KCNH1: variants seen among roughly 807,000 people sequenced by gnomAD.
KCNH1 encodes the protein potassium voltage-gated channel subfamily H member 1, also known as voltage-gated delayed rectifier potassium channel KCNH1.
KCNH1 carries 27 observed loss-of-function variants against 69.2 expected under a neutral mutation model. The observed-to-expected ratio is 0.39, with a 90% CI of 0.29 to 0.54. The LOEUF (loss-of-function observed/expected upper bound fraction) is 0.54. Ranked by LOEUF, KCNH1 falls within the 20% of genes least tolerant of loss-of-function variation. The pLI is 0.68. For missense variants in KCNH1, 798 were observed against 1,261.6 expected, an observed-to-expected ratio of 0.63 and a Z score of 5.57; for synonymous variants, 456 against 487.7, an observed-to-expected ratio of 0.93 and a Z score of 0.86.
intron 10 of KCNH1, among the ~76,000 whole-genome samples, chr1:210,689,883 A>G (rs988812709): frequency 6.6e-6 from 1 of 152,248 alleles, no homozygotes; most frequent in Non-Finnish European, 1.5e-5. Context: ...TGATTCTGAC[A>G]TGGGCAGCCT....
intron 6 of KCNH1, among the ~76,000 whole-genome samples, chr1:210,932,149 C>T (rs971184837): frequency 1.3e-5 from 2 of 151,988 alleles, no homozygotes; most frequent in African/African-American, 4.8e-5. Context: ...TAGATTCAAC[C>T]TAATAAGGGT....
chr1:210,918,675 A>G (rs1385454592), intron 7 of KCNH1, among the ~76,000 whole-genome samples: 2 of 152,200 alleles, frequency 1.3e-5, no homozygotes, highest in Non-Finnish European at 2.9e-5. Context: ...CCAATAACCT[A>G]TTACTTCTCA....
rs1334636011 is a variant in KCNH1 at position 210,680,017 on chromosome 1, G to T, written c.*3264C>A. The stretch of plus-strand genomic sequence containing the variant: ...GACAATTTGGTTTCTCAACCAAATG[G>T]TCGTCTCTGTTTCCGTCCTTTGGCT... On this transcript the variant is annotated 3_prime_UTR_variant, in exon 11 of 11. Coordinates refer to ENST00000271751, the MANE Select transcript of KCNH1 (RefSeq NM_172362.3). 3 of 151,430 alleles carry T rather than the reference G, an allele frequency of 2.0e-5. No individual in the cohort carries two copies. Among genetic ancestry groups the T allele is most frequent in the African/African-American group, 4.9e-5 (2 of 41,078 alleles). The allele number at this position is 151,430 out of a possible 1,614,324, so 9.4% of individuals were successfully genotyped here.
At chr1:210,691,505 G>C (rs906555398) in intron 10 of KCNH1, among the ~76,000 whole-genome samples, 1 of 152,082 alleles carries the variant, frequency 6.6e-6, no homozygotes, top group Non-Finnish European at 1.5e-5. Context: ...AGCCAAACCC[G>C]GGCAACCTGA....
intron 10 of KCNH1, among the ~76,000 whole-genome samples, chr1:210,755,063 G>A (rs1408394591): frequency 6.6e-6 from 1 of 152,118 alleles, no homozygotes; most frequent in Admixed American, 6.5e-5. Flanking sequence ...CAGTGACAAA[G>A]GGGCAGCTGC....
intron 7 of KCNH1, among the ~76,000 whole-genome samples, chr1:210,839,156 A>C (rs920163484): frequency 3.9e-5 from 6 of 152,232 alleles, no homozygotes; most frequent in African/African-American, 1.4e-4. Flanking sequence ...CATGGAATCA[A>C]CCTGAATGTC....
At chr1:210,892,773 C>A (rs1210276529) in intron 7 of KCNH1, among the ~76,000 whole-genome samples, 1 of 152,274 alleles carries the variant, frequency 6.6e-6, no homozygotes. Flanking sequence ...TGTTCCCAGG[C>A]AAAGCCCTTT....
At chr1:210,887,294 T>G (rs1199961585) in intron 7 of KCNH1, among the ~76,000 whole-genome samples, 1 of 152,094 alleles carries the variant, frequency 6.6e-6, no homozygotes, top group Non-Finnish European at 1.5e-5. Context: ...CTAGCCAAAC[T>G]AAGCTTCATA....
At chr1:211,000,531 G>C (rs1159798135) in intron 6 of KCNH1, among the ~76,000 whole-genome samples, 2 of 152,084 alleles carry the variant, frequency 1.3e-5, no homozygotes, top group African/African-American at 2.4e-5. Context: ...ACAAATGGAA[G>C]AACATTCCAT....
rs375694159 is a variant in KCNH1 at position 210,789,851 on chromosome 1, T to A, written c.1915+7657A>T. Among the ~76,000 whole-genome samples, 3 of 152,260 alleles carry A rather than the reference T, an allele frequency of 2.0e-5. No individual in the cohort carries two copies. In the East Asian group the frequency reaches 5.8e-4, roughly 29 times the overall value. On this transcript the variant is annotated intron_variant, in intron 9 of 10. Coordinates refer to ENST00000271751, the MANE Select transcript of KCNH1 (RefSeq NM_172362.3). ...TTACTTACTTTGCTTATCATAAGAA[T>A]TTCTAGTATCGTTTAAAATTTCTTG...
At chr1:210,899,617 A>C (rs991645410) in intron 7 of KCNH1, among the ~76,000 whole-genome samples, 1 of 152,242 alleles carries the variant, frequency 6.6e-6, no homozygotes, top group African/African-American at 2.4e-5. Context: ...CCACTGATAT[A>C]AAAGAACAAT....
At chr1:210,864,318 G>C (rs953687117) in intron 7 of KCNH1, among the ~76,000 whole-genome samples, 22 of 152,214 alleles carry the variant, frequency 1.4e-4, no homozygotes, top group African/African-American at 5.3e-4. Context: ...GCTTAGGAGA[G>C]ACTAAGGCAT....
chr1:211,044,438 G>T (rs1690055853), intron 5 of KCNH1, among the ~76,000 whole-genome samples: 1 of 152,188 alleles, frequency 6.6e-6, no homozygotes. Context: ...AAGAGCCTTT[G>T]CACAGCAAAA....
chr1:210,807,945 C>T (rs972252443), intron 7 of KCNH1, among the ~76,000 whole-genome samples: 4 of 152,202 alleles, frequency 2.6e-5, no homozygotes, highest in South Asian at 4.1e-4. Flanking sequence ...TCAAAGAGTT[C>T]TCTGGAAAAG....
intron 7 of KCNH1, chr1:210,858,568 A>G (rs554084673): frequency 2.1e-4 from 32 of 152,400 alleles, no homozygotes; most frequent in African/African-American, 7.5e-4. Flanking sequence ...TCATTTACAG[A>G]GTTTTATAAT....
At position 210,775,483 on chromosome 1, in the gene KCNH1, G is replaced by T. The variant is rs745988171; in HGVS notation, c.1977C>A (p.Ala659=). The T allele has an allele frequency of 6.2e-7, 1 of 1,614,018 alleles. No individual in the cohort carries two copies. Among genetic ancestry groups the T allele is most frequent in the South Asian group, 1.1e-5 (1 of 91,080 alleles). The change falls in exon 10 of 11, where the codon GCC becomes GCA. Residue 659 remains alanine, a synonymous_variant. Transcript: ENST00000271751. The part of the protein sequence containing the change: ...WKEATLAQSC[A]NVRALTYCDL... ...CACAGTAGGTCAAGGCCCTAACATT[G>T]GCACAGGACTGGGCAAGGGTGGCTT...
At chr1:210,710,403 A>C (rs1682042064) in intron 10 of KCNH1, among the ~76,000 whole-genome samples, 1 of 152,146 alleles carries the variant, frequency 6.6e-6, no homozygotes, top group African/African-American at 2.4e-5. Flanking sequence ...GGGTGGGTGG[A>C]TTGATAGACG....
intron 3 of KCNH1, among the ~76,000 whole-genome samples, chr1:211,100,796 C>T (rs1317485159): frequency 6.6e-6 from 1 of 152,254 alleles, no homozygotes. Flanking sequence ...CAGCTGCTTT[C>T]TGTCCTTGCT....
chr1:210,912,527 A>G (rs1200480693), intron 7 of KCNH1, among the ~76,000 whole-genome samples: 1 of 152,238 alleles, frequency 6.6e-6, no homozygotes, highest in Non-Finnish European at 1.5e-5. Flanking sequence ...AGTAGAGCAT[A>G]CTCAAAGGAC....
Sources: allele counts gnomAD v4.1 joint callset (sites outside exome capture counted in the v4.1 genomes callset), GRCh38; gene constraint gnomAD v4.1.1; transcripts MANE v1.5; gene names NCBI Gene and HGNC (gene_info 2026-07-23, HGNC 2026-07-21).